The following TMPO variants were observed in gnomAD, a reference collection of about 807,000 sequenced individuals.
TMPO encodes LEM domain containing 4.
A neutral mutation model predicts 45.4 loss-of-function variants in TMPO; 22 were observed. The observed-to-expected ratio is 0.48, with a 90% CI of 0.35 to 0.69. The LOEUF (loss-of-function observed/expected upper bound fraction) is 0.69, where lower values mean the gene tolerates loss of function less well. Among genes scored for constraint, TMPO ranks in the 30% least tolerant of loss-of-function variants. TMPO has a pLI of 0.01. For missense variants in TMPO, 512 were observed against 548.8 expected (o/e 0.93, Z 0.67); for synonymous variants, 241 against 204.1 (o/e 1.18, Z -1.54).
chr12:98,544,559 T>C (rs762043400), intron 6 of TMPO, 22 bp downstream of exon 6: 22 of 1,576,116 alleles, frequency 1.4e-5, no homozygotes, highest in Middle Eastern at 3.4e-4. Flanking sequence ...TCATAAACTA[T>C]ACAAGTGGTA....
intron 1 of TMPO, among the ~76,000 whole-genome samples, chr12:98,520,799 C>T (rs1288474610): frequency 6.6e-6 from 1 of 151,744 alleles, no homozygotes; most frequent in African/African-American, 2.4e-5. Flanking sequence ...GTCTCTATCT[C>T]CTGATCTGGT....
intron 4 of TMPO, among the ~76,000 whole-genome samples, chr12:98,539,411 A>C (rs1342903773): frequency 6.6e-6 from 1 of 151,118 alleles, no homozygotes. Context: ...GATGTGCCAC[A>C]GTTGTCAGTG....
At chr12:98,516,599 T>C in intron 1 of TMPO, 6 of 956,390 alleles carry the variant, frequency 6.3e-6, no homozygotes, top group South Asian at 4.8e-5. Context: ...GGGCAACTGA[T>C]GACACTCTAA....
intron 1 of TMPO, among the ~76,000 whole-genome samples, chr12:98,521,131 G>A (rs1465851350): frequency 1.7e-5 from 1 of 58,034 alleles, no homozygotes; most frequent in Non-Finnish European, 3.9e-5. Flanking sequence ...TTTTTGAGAC[G>A]GAGTGTCGCT....
chr12:98,518,382 CTT>C (rs909521027), intron 1 of TMPO, among the ~76,000 whole-genome samples: 1 of 151,128 alleles, frequency 6.6e-6, no homozygotes, highest in Non-Finnish European at 1.5e-5. Context: ...GCCTCAAACT[CTT>C]TGGCTCACGA....
chr12:98,522,579 A>G (rs976580209), intron 1 of TMPO, among the ~76,000 whole-genome samples: 20 of 152,260 alleles, frequency 1.3e-4, no homozygotes. Context: ...AATCAGATTG[A>G]GGAGTACATG....
intron 4 of TMPO, among the ~76,000 whole-genome samples, chr12:98,538,724 T>C (rs988449375): frequency 1.3e-5 from 2 of 152,214 alleles, no homozygotes; most frequent in African/African-American, 4.8e-5. Flanking sequence ...GTCTCTCTCT[T>C]CATTTGATGT....
rs759832690 is a variant in TMPO, at chr12:98,534,106, A to T, written c.565+2268A>T. 159 of 1,613,184 alleles carry T rather than the reference A, an allele frequency of 9.9e-5. No individual in the cohort carries two copies. The highest frequency in any genetic ancestry group is 1.3e-4 in the Non-Finnish European group (156 of 1,179,370). On this transcript the variant is annotated intron_variant, in intron 3 of 8. Coordinates refer to ENST00000556029, the MANE Select transcript of TMPO (RefSeq NM_001032283.3). ...TAGTCGTACCCACCAAGCGCTTGGG[A>T]TTCTGAGCAAAACATATGATGCAGC...
At chr12:98,533,619 C>G (rs371731646) in intron 3 of TMPO, 12 of 1,613,978 alleles carry the variant, frequency 7.4e-6, no homozygotes, top group Non-Finnish European at 8.5e-7. Flanking sequence ...TACCTGGATC[C>G]GAACTGATGT....
chr12:98,546,332 G>A (rs1565817652), intron 7 of TMPO, 27 bp from the exon 8 acceptor site: 7 of 1,475,190 alleles, frequency 4.7e-6, no homozygotes, highest in African/African-American at 2.8e-5. Flanking sequence ...TTAACTTGTG[G>A]TTGTTTGTTT....
chr12:98,516,404 T>C (rs1490190672), intron 1 of TMPO: 2 of 1,186,050 alleles, frequency 1.7e-6, no homozygotes, highest in African/African-American at 1.6e-5. Flanking sequence ...GGCGGTTGTT[T>C]TGCACGCAGT....
At chr12:98,519,857 A>C (rs887674496) in intron 1 of TMPO, among the ~76,000 whole-genome samples, 1 of 152,170 alleles carries the variant, frequency 6.6e-6, no homozygotes, top group Admixed American at 6.5e-5. Context: ...AAAATTATTC[A>C]TGTCAATTCC....
At chr12:98,516,455 G>T in intron 1 of TMPO, 1 of 1,143,684 alleles carries the variant, frequency 8.7e-7, no homozygotes, top group Non-Finnish European at 1.1e-6. Context: ...TGCAGCGGGC[G>T]TTTAGACGGG....
chr12:98,529,777 T>C (rs985637921), intron 2 of TMPO, among the ~76,000 whole-genome samples: 3 of 152,062 alleles, frequency 2.0e-5, no homozygotes, highest in African/African-American at 7.2e-5. Flanking sequence ...CAGGGTGGTC[T>C]TGAACTCCTG....
chr12:98,526,938 C>T (rs1876806523), intron 1 of TMPO, among the ~76,000 whole-genome samples: 1 of 150,474 alleles, frequency 6.6e-6, no homozygotes, highest in Non-Finnish European at 1.5e-5. Flanking sequence ...AGCCTGGCAA[C>T]AGAGCGAGAC....
At chr12:98,534,710 G>C in intron 3 of TMPO, 1 of 1,047,838 alleles carries the variant, frequency 9.5e-7, no homozygotes, top group South Asian at 3.3e-5. Context: ...TTTATACCTA[G>C]GACAGAATTA....
chr12:98,518,945 G>A (rs980014031), intron 1 of TMPO, among the ~76,000 whole-genome samples: 1 of 151,642 alleles, frequency 6.6e-6, no homozygotes, highest in Non-Finnish European at 1.5e-5. Flanking sequence ...GCGGTGGCGC[G>A]ATCTTGGCTC....
rs370823731 is a variant in TMPO, at chr12:98,532,629, G to T, written c.565+791G>T. On this transcript the variant is annotated intron_variant, in intron 3 of 8. Coordinates refer to ENST00000556029, the MANE Select transcript of TMPO (RefSeq NM_001032283.3). ...TGTAAACTTTTAATTAATATGACTT[G>T]TGATTATTTATTTTGATCCAGATTG... 8.5e-5 allele frequency among the ~76,000 whole-genome samples: 13 copies of T among 152,196 alleles called. No homozygotes were observed. In the East Asian group the frequency reaches 9.6e-4, roughly 11 times the overall value.
chr12:98,546,887 A>G (rs1039828247), intron 8 of TMPO, among the ~76,000 whole-genome samples: 2 of 152,102 alleles, frequency 1.3e-5, no homozygotes, highest in Non-Finnish European at 2.9e-5. Context: ...TTTCCCCCCT[A>G]AGTTTCTCTT....
Sources: gnomAD v4.1 joint callset for allele counts (sites outside exome capture counted in the v4.1 genomes callset) on GRCh38, gnomAD v4.1.1 for gene constraint, MANE v1.5 for transcripts, NCBI Gene and HGNC (gene_info 2026-07-23, HGNC 2026-07-21) for gene names.